The following DPP6 variants were observed in gnomAD, a reference collection of about 807,000 sequenced individuals.
DPP6 encodes the protein dipeptidyl peptidase like 6, also known as A-type potassium channel modulatory protein DPP6.
DPP6 carries 69 observed loss-of-function variants against 122.6 expected under a neutral mutation model. That is an observed-to-expected ratio of 0.56 (90% CI 0.46 to 0.69). The LOEUF is 0.69. DPP6 is among the 30% of genes least tolerant of loss of function. DPP6 has a pLI of 0.00. For synonymous variants in DPP6, 418 were observed against 433.1 expected (o/e 0.97, Z 0.43); for missense variants, 928 against 1,116.9 (o/e 0.83, Z 2.41).
intron 19 of DPP6, among the ~76,000 whole-genome samples, chr7:154,872,901 C>T (rs1264183567): frequency 6.6e-6 from 1 of 152,176 alleles, no homozygotes; most frequent in Non-Finnish European, 1.5e-5. Context: ...TGCTGTGTAC[C>T]CACCGCCTCT....
chr7:154,861,774 C>G (rs537428832), intron 17 of DPP6, among the ~76,000 whole-genome samples: 2 of 152,270 alleles, frequency 1.3e-5, no homozygotes, highest in South Asian at 4.1e-4. Context: ...GCACACCTGA[C>G]TCATTTCCAG....
In DPP6 at chr7:154,612,358, C is replaced by T. The variant is rs6954740; in HGVS notation, c.628-25463C>T. Among the ~76,000 whole-genome samples, 1,393 of 152,332 alleles carry T rather than the reference C, an allele frequency of 9.1e-3. 11 individuals carry two copies. The highest frequency in any genetic ancestry group is 0.013 in the Non-Finnish European group (893 of 68,030). ...CCCCTGACAACCATCAATCTATTGA[C>T]CGTCTCTAATAATGTCATTTCAAGA... On this transcript the variant is annotated intron_variant, in intron 5 of 25. Transcript: ENST00000377770.
chr7:154,252,304 T>G (rs138851533), intron 1 of DPP6, among the ~76,000 whole-genome samples: 1 of 152,232 alleles, frequency 6.6e-6, no homozygotes, highest in East Asian at 1.9e-4. Flanking sequence ...AAGCTAATCT[T>G]TGATAAAATT....
At chr7:153,944,492 T>G (rs1167197518) in intron 1 of DPP6, among the ~76,000 whole-genome samples, 1 of 151,892 alleles carries the variant, frequency 6.6e-6, no homozygotes, top group Non-Finnish European at 1.5e-5. Context: ...TCAGCCACCT[T>G]CCTCGAAGGG....
intron 1 of DPP6, among the ~76,000 whole-genome samples, chr7:154,120,712 G>C (rs1017103094): frequency 6.6e-6 from 1 of 152,186 alleles, no homozygotes; most frequent in Non-Finnish European, 1.5e-5. Context: ...AAATACAGTT[G>C]ATTAGAAACA....
intron 4 of DPP6, among the ~76,000 whole-genome samples, chr7:154,551,844 A>C (rs749144692): frequency 6.6e-6 from 1 of 152,164 alleles, no homozygotes; most frequent in Non-Finnish European, 1.5e-5. Flanking sequence ...TGAAAGGGAC[A>C]AAGTCTCTGA....
At chr7:154,169,453 G>A (rs1397839326) in intron 1 of DPP6, among the ~76,000 whole-genome samples, 1 of 152,128 alleles carries the variant, frequency 6.6e-6, no homozygotes, top group Non-Finnish European at 1.5e-5. Flanking sequence ...CAGCACCTGG[G>A]CTTAAGTTGC....
At chr7:154,716,252 C>A (rs190138567) in intron 7 of DPP6, among the ~76,000 whole-genome samples, 1 of 152,248 alleles carries the variant, frequency 6.6e-6, no homozygotes, top group South Asian at 2.1e-4. Context: ...AATGAAGCCC[C>A]AACTTCCCTG....
chr7:154,634,254 A>G (rs1835587173), intron 5 of DPP6, among the ~76,000 whole-genome samples: 1 of 144,592 alleles, frequency 6.9e-6, no homozygotes, highest in African/African-American at 2.6e-5. Flanking sequence ...GAGTCAGAAC[A>G]TGCGGTGTTT....
rs143761064 is a variant in DPP6, at chr7:154,355,000, C to G, written c.244-91214C>G. ...CAGAATGTCATTTTCTTTACATTCTCTCCTCACCTGCCCTTGGGAGGGGTG... is the reference window on the plus strand; with the variant it reads ...CAGAATGTCATTTTCTTTACATTCTGTCCTCACCTGCCCTTGGGAGGGGTG... On this transcript the variant is annotated intron_variant, in intron 1 of 25. Transcript: ENST00000377770. 5.9e-3 allele frequency among the ~76,000 whole-genome samples: 894 copies of G among 152,288 alleles called. 21 individuals are homozygous for G. Among genetic ancestry groups the G allele is most frequent in the East Asian group, 0.052 (270 of 5,174 alleles).
rs112755614 is a variant in DPP6 at position 154,663,868 on chromosome 7, C to A, written c.681-5492C>A. Among the ~76,000 whole-genome samples, 6 of 105,700 alleles carry A rather than the reference C, an allele frequency of 5.7e-5. No homozygotes were observed. In the South Asian group the frequency reaches 2.3e-3, roughly 41 times the overall value. The allele number at this position is 105,700 out of a possible 152,430, so 69.3% of individuals were successfully genotyped here. ...ATATAGTCATGGTGAATCACCATGG[C>A]GTATTGGCCGTAGTGTTCATATAGT... On this transcript the variant is annotated intron_variant, in intron 6 of 25. Transcript: ENST00000377770.
Position 153,974,804 on chromosome 7 carries a change from C to T in DPP6, c.51+87070C>T, listed in dbSNP as rs765832668. On this transcript the variant is annotated intron_variant, in intron 1 of 25. Transcript: ENST00000404039. The stretch of plus-strand genomic sequence containing the variant: ...CTGGTGCAAGGCAGTCAGCTGTTTA[C>T]TTTGCTGCACAATCTCTGTGCCCAG... Among the ~76,000 whole-genome samples, 50 of 152,278 alleles carry T rather than the reference C, an allele frequency of 3.3e-4. No homozygotes were observed. The Middle Eastern group carries it at 0.014, about 41-fold the overall frequency.
At chr7:154,510,977 G>T (rs1166603801) in intron 3 of DPP6, among the ~76,000 whole-genome samples, 1 of 148,980 alleles carries the variant, frequency 6.7e-6, no homozygotes, top group African/African-American at 2.4e-5. Context: ...CACACAGAGA[G>T]AGAGAGAGCA....
At chr7:154,665,456 G>T (rs912996366) in intron 6 of DPP6, among the ~76,000 whole-genome samples, 3 of 151,974 alleles carry the variant, frequency 2.0e-5, no homozygotes, top group Non-Finnish European at 4.4e-5. Context: ...AACTCCTTTA[G>T]GTTAGCTTTC....
chr7:154,380,917 G>A (rs28712737), intron 1 of DPP6, among the ~76,000 whole-genome samples: 3,579 of 152,284 alleles, frequency 0.024, 147 homozygotes, highest in African/African-American at 0.082. Context: ...GAGTGGGTGA[G>A]GAGAGATGGT....
At chr7:154,577,277 G>A (rs1473373010) in intron 5 of DPP6, among the ~76,000 whole-genome samples, 2 of 152,096 alleles carry the variant, frequency 1.3e-5, no homozygotes, top group Non-Finnish European at 2.9e-5. Context: ...ACATGGGAGG[G>A]TGGGATTAGA....
At chr7:154,129,628 A>T (rs958939961) in intron 1 of DPP6, among the ~76,000 whole-genome samples, 1 of 152,318 alleles carries the variant, frequency 6.6e-6, no homozygotes, top group East Asian at 1.9e-4. Context: ...GGCCGGGCAC[A>T]GTGGCTTACG....
At chr7:154,018,135 A>T (rs943792101) in intron 1 of DPP6, among the ~76,000 whole-genome samples, 8 of 152,012 alleles carry the variant, frequency 5.3e-5, no homozygotes, top group Non-Finnish European at 1.0e-4. Context: ...TCCTATATCC[A>T]TCAAGACAAG....
At chr7:153,910,033 C>T (rs529858275) in intron 1 of DPP6, among the ~76,000 whole-genome samples, 2 of 152,100 alleles carry the variant, frequency 1.3e-5, no homozygotes, top group Non-Finnish European at 1.5e-5. Context: ...TATAAGCTTT[C>T]GGATGTCTCT....
Sources: allele counts gnomAD v4.1 joint callset (sites outside exome capture counted in the v4.1 genomes callset), GRCh38; gene constraint gnomAD v4.1.1; transcripts MANE v1.5; gene names NCBI Gene and HGNC (gene_info 2026-07-23, HGNC 2026-07-21).